Variants in GPAT3 observed in about 807,000 individuals in gnomAD.
GPAT3 encodes 1-AGP acyltransferase 9.
A neutral mutation model predicts 58.8 loss-of-function variants in GPAT3; 53 were observed. The observed-to-expected ratio is 0.90, with a 90% CI of 0.72 to 1.13. The LOEUF is 1.13. GPAT3 is among the 50% of genes most tolerant of loss of function. The pLI, the probability that GPAT3 is intolerant of heterozygous loss-of-function variation, is 0.00. For missense variants in GPAT3, 511 were observed against 527.6 expected, an observed-to-expected ratio of 0.97 and a Z score of 0.31; for synonymous variants, 197 against 187.4, an observed-to-expected ratio of 1.05 and a Z score of -0.42.
chr4:83,562,200 A>ATATATATATAT (rs1264777565), intron 2 of GPAT3, among the ~76,000 whole-genome samples: 1 of 32,970 alleles, frequency 3.0e-5, no homozygotes, highest in Non-Finnish European at 5.1e-5. Context: ...TATATATATA[A>ATATATATATAT]TATATATATA....
At chr4:83,568,580 T>C (rs1725490044) in intron 2 of GPAT3, among the ~76,000 whole-genome samples, 1 of 151,806 alleles carries the variant, frequency 6.6e-6, no homozygotes, top group Admixed American at 6.6e-5. Context: ...CGATCTAGGC[T>C]CATTGCAAGC....
intron 2 of GPAT3, among the ~76,000 whole-genome samples, chr4:83,569,384 G>A (rs530928119): frequency 7.2e-5 from 11 of 152,282 alleles, no homozygotes; most frequent in Admixed American, 5.2e-4. Context: ...GGGCTGCTTG[G>A]CTCTTTGGAC....
chr4:83,567,032 T>C (rs1578177148), intron 2 of GPAT3, among the ~76,000 whole-genome samples: 1 of 152,254 alleles, frequency 6.6e-6, no homozygotes, highest in Admixed American at 6.5e-5. Context: ...ATATGGTTTT[T>C]CAGGAATTTC....
intron 7 of GPAT3, 147 bp from the exon 8 acceptor site, chr4:83,596,711 C>A: frequency 1.6e-6 from 1 of 643,066 alleles, no homozygotes; most frequent in Non-Finnish European, 2.7e-6. Flanking sequence ...GGAAAGGAAA[C>A]AACTCAAATT....
intron 5 of GPAT3, among the ~76,000 whole-genome samples, chr4:83,589,768 C>T (rs563533917): frequency 1.3e-5 from 2 of 152,094 alleles, no homozygotes; most frequent in Admixed American, 6.6e-5. Context: ...AAGATGGGCC[C>T]GTGTACCTCC....
intron 2 of GPAT3, among the ~76,000 whole-genome samples, chr4:83,573,454 G>A (rs553964533): frequency 1.3e-5 from 2 of 152,216 alleles, no homozygotes; most frequent in South Asian, 2.1e-4. Context: ...GATCTTTTTA[G>A]TCTTTACATC....
intron 2 of GPAT3, among the ~76,000 whole-genome samples, chr4:83,579,075 TTTCTTCCCTTCC>T (rs1327016467): frequency 1.0e-4 from 2 of 19,840 alleles, no homozygotes; most frequent in Non-Finnish European, 1.0e-4. Context: ...TCTTTCTTTC[TTTCTTCCCTTCC>T]TTCCTTCCTT....
chr4:83,541,238 C>G (rs1560599532), intron 1 of GPAT3, among the ~76,000 whole-genome samples: 3 of 145,914 alleles, frequency 2.1e-5, no homozygotes, highest in Non-Finnish European at 4.5e-5. Flanking sequence ...CTTTGCATAT[C>G]TTTTTTTTTT....
At chr4:83,562,545 C>T (rs1339196103) in intron 2 of GPAT3, among the ~76,000 whole-genome samples, 1 of 151,626 alleles carries the variant, frequency 6.6e-6, no homozygotes, top group Non-Finnish European at 1.5e-5. Flanking sequence ...GGTGGAGTTT[C>T]CTAGCAGCCA....
At position 83,587,263 on chromosome 4, in the gene GPAT3, T is replaced by C; in HGVS notation, c.488T>C (p.Leu163Ser). The change falls in exon 4 of 12, where the codon TTG becomes TCG. Residue 163 changes from leucine (L) to serine (S), a missense_variant. Coordinates refer to ENST00000264409, the MANE Select transcript of GPAT3 (RefSeq NM_032717.5). ...YCVLLPLRVT[L>S]AFIGISLLVI... ...TCTCTTTTCTTTTTCAGGGTTACCT[T>C]GGCTTTCATTGGGATCAGTTTGCTG... The C allele has an allele frequency of 6.2e-7, 1 of 1,613,764 alleles. No individual in the cohort carries two copies. Among genetic ancestry groups the C allele is most frequent in the African/African-American group, 1.3e-5 (1 of 75,012 alleles).
At chr4:83,550,929 A>G in intron 2 of GPAT3, among the ~76,000 whole-genome samples, 1 of 152,332 alleles carries the variant, frequency 6.6e-6, no homozygotes, top group Non-Finnish European at 1.5e-5. Context: ...ATAGCTCTGT[A>G]GAAGGCAAAA....
At chr4:83,557,950 T>G (rs1201865044) in intron 2 of GPAT3, among the ~76,000 whole-genome samples, 3 of 152,194 alleles carry the variant, frequency 2.0e-5, no homozygotes, top group African/African-American at 7.2e-5. Flanking sequence ...TGGTGGCTCA[T>G]GCCTGTGATC....
At chr4:83,588,413 G>A in intron 5 of GPAT3, 114 bp downstream of exon 5, 1 of 895,860 alleles carries the variant, frequency 1.1e-6, no homozygotes, top group Non-Finnish European at 1.8e-6. Context: ...TGCTTCCAAT[G>A]TGTTCATCTC....
At chr4:83,574,678 A>T (rs1219861827) in intron 2 of GPAT3, among the ~76,000 whole-genome samples, 20 of 51,106 alleles carry the variant, frequency 3.9e-4, no homozygotes, top group South Asian at 1.3e-3. Flanking sequence ...TTTTTTTTTT[A>T]GAATTAGAGT....
In GPAT3 at chr4:83,594,948, TG is replaced by T; in HGVS notation, c.844del (p.Val282LeufsTer5). On this transcript the variant is annotated frameshift_variant, in exon 7 of 12. Transcript: ENST00000264409. LOFTEE classifies it high-confidence loss of function. ...FERSEMKDRH[L>X]VTKRLKEHIA... ...CGCTCAGAAATGAAGGATCGACACCTGGTTACTAAGAGGTAAGCAGTGAAAT... is the reference window on the plus strand; with the variant it reads ...CGCTCAGAAATGAAGGATCGACACCTGTTACTAAGAGGTAAGCAGTGAAAT... 1.2e-6 allele frequency: 2 copies of T among 1,613,730 alleles called. No homozygotes were observed. Among genetic ancestry groups the T allele is most frequent in the Non-Finnish European group, 1.7e-6 (2 of 1,179,724 alleles).
rs558166914 is a variant in GPAT3 at position 83,562,085 on chromosome 4, C to T, written c.208+17483C>T. On this transcript the variant is annotated intron_variant, in intron 2 of 11. Coordinates refer to ENST00000264409, the MANE Select transcript of GPAT3 (RefSeq NM_032717.5). ...CTCAGAATGATTTCAGGAAAAGGGG[C>T]ATCTGGTAGAAGAAATTGTAAGCAA... Among the ~76,000 whole-genome samples, 11 of 148,392 alleles carry T rather than the reference C, an allele frequency of 7.4e-5. No individual in the cohort carries two copies. The South Asian group carries it at 2.1e-3, about 29-fold the overall frequency.
chr4:83,602,041 A>G lies in GPAT3; in HGVS notation c.1206-2627A>G, dbSNP rs577907966. ...ACATTGGAATATGTTAAACTAAATG[A>G]CAGAATCATAGCATCACAAAACTAT... On this transcript the variant is annotated intron_variant, in intron 11 of 11. Coordinates refer to ENST00000264409, the MANE Select transcript of GPAT3 (RefSeq NM_032717.5). 1.8e-4 allele frequency among the ~76,000 whole-genome samples: 28 copies of G among 152,360 alleles called. 1 individual carries two copies. In the South Asian group the frequency reaches 5.4e-3, roughly 29 times the overall value.
intron 2 of GPAT3, among the ~76,000 whole-genome samples, chr4:83,574,882 G>GTTTTTT (rs1317801458): frequency 1.0e-5 from 1 of 96,756 alleles, no homozygotes; most frequent in Non-Finnish European, 2.2e-5. Context: ...TTTTTTTTTT[G>GTTTTTT]TTTTTTTTTT....
intron 6 of GPAT3, among the ~76,000 whole-genome samples, chr4:83,591,538 A>G (rs1422660792): frequency 6.6e-6 from 1 of 152,214 alleles, no homozygotes; most frequent in Admixed American, 6.5e-5. Flanking sequence ...TTTTAAAGAA[A>G]AAAACTAACC....
Sources: allele counts gnomAD v4.1 joint callset (sites outside exome capture counted in the v4.1 genomes callset), GRCh38; gene constraint gnomAD v4.1.1; transcripts MANE v1.5; gene names NCBI Gene and HGNC (gene_info 2026-07-23, HGNC 2026-07-21).